Variants in PDSS2 observed in about 807,000 individuals in gnomAD.
PDSS2 encodes all trans-polyprenyl-diphosphate synthase PDSS2.
In PDSS2, 31 loss-of-function variants were observed where a neutral mutation model predicts 44.5. That is an observed-to-expected ratio of 0.70 (90% confidence interval 0.52 to 0.94). The LOEUF (loss-of-function observed/expected upper bound fraction) is 0.94, where lower values mean the gene tolerates loss of function less well. PDSS2 is among the 40% of genes least tolerant of loss of function. The pLI is 0.00. For synonymous variants in PDSS2, 157 were observed against 180.3 expected (o/e 0.87, Z 1.03); for missense variants, 452 against 482.2 (o/e 0.94, Z 0.59).
chr6:107,457,519 G>A (rs1782082978), intron 1 of PDSS2, among the ~76,000 whole-genome samples: 1 of 152,174 alleles, frequency 6.6e-6, no homozygotes, highest in Non-Finnish European at 1.5e-5. Context: ...CCTGGGAATT[G>A]AAGGGTAGCA....
chr6:107,359,178 T>G (rs1778687131), intron 1 of PDSS2, among the ~76,000 whole-genome samples: 1 of 151,356 alleles, frequency 6.6e-6, no homozygotes, highest in Non-Finnish European at 1.5e-5. Flanking sequence ...GCCCAGCTGA[T>G]TTTTTGTATT....
intron 1 of PDSS2, among the ~76,000 whole-genome samples, chr6:107,449,393 C>T (rs1781792687): frequency 6.6e-6 from 1 of 152,154 alleles, no homozygotes; most frequent in Non-Finnish European, 1.5e-5. Flanking sequence ...ATCTCCAGAA[C>T]TTTTTATCTT....
intron 4 of PDSS2, among the ~76,000 whole-genome samples, chr6:107,214,317 T>C (rs1054934264): frequency 1.3e-5 from 2 of 151,972 alleles, no homozygotes; most frequent in African/African-American, 4.8e-5. Context: ...GGTCTCGATC[T>C]CCTGACCTCG....
At chr6:107,227,978 G>C (rs781745639) in intron 4 of PDSS2, among the ~76,000 whole-genome samples, 1 of 152,110 alleles carries the variant, frequency 6.6e-6, no homozygotes, top group African/African-American at 2.4e-5. Flanking sequence ...GTAATTGAAG[G>C]CTTGGGTTTC....
intron 2 of PDSS2, among the ~76,000 whole-genome samples, chr6:107,315,054 T>C (rs1001040735): frequency 2.0e-5 from 3 of 152,238 alleles, no homozygotes; most frequent in African/African-American, 7.2e-5. Context: ...CATTAACTTA[T>C]TTTTAAACAT....
At chr6:107,247,281 T>G (rs1399739541) in intron 3 of PDSS2, among the ~76,000 whole-genome samples, 1 of 152,186 alleles carries the variant, frequency 6.6e-6, no homozygotes, top group Non-Finnish European at 1.5e-5. Context: ...AAAGAGAAAG[T>G]CTGACGCTAA....
intron 1 of PDSS2, among the ~76,000 whole-genome samples, chr6:107,435,379 T>TAC (rs1781320315): frequency 6.6e-6 from 1 of 151,668 alleles, no homozygotes; most frequent in Admixed American, 6.6e-5. Context: ...GTACCATGCA[T>TAC]ACTCCATTGT....
intron 2 of PDSS2, among the ~76,000 whole-genome samples, chr6:107,304,124 C>T (rs771140672): frequency 1.1e-4 from 17 of 152,162 alleles, no homozygotes; most frequent in African/African-American, 1.7e-4. Flanking sequence ...TGAAATGCTT[C>T]CTCTCCCTTC....
At chr6:107,401,005 CCCG>C in intron 1 of PDSS2, among the ~76,000 whole-genome samples, 1 of 152,186 alleles carries the variant, frequency 6.6e-6, no homozygotes, top group Non-Finnish European at 1.5e-5. Context: ...CATAGCCCAG[CCCG>C]TTGCATGGGA....
intron 1 of PDSS2, among the ~76,000 whole-genome samples, chr6:107,452,770 G>A (rs761105024): frequency 1.3e-5 from 2 of 151,698 alleles, no homozygotes; most frequent in Non-Finnish European, 2.9e-5. Flanking sequence ...AAGTTCAAGC[G>A]ATTCTCCTGC....
intron 1 of PDSS2, among the ~76,000 whole-genome samples, chr6:107,452,125 T>A (rs1781886448): frequency 6.6e-6 from 1 of 152,062 alleles, no homozygotes; most frequent in African/African-American, 2.4e-5. Context: ...AACTCTTGGG[T>A]TCAAGGAAGC....
chr6:107,233,547 C>T (rs982286566), intron 4 of PDSS2, among the ~76,000 whole-genome samples: 2 of 152,160 alleles, frequency 1.3e-5, no homozygotes, highest in Non-Finnish European at 2.9e-5. Flanking sequence ...AGTGGTGGCT[C>T]ATACCTGTAA....
At chr6:107,194,220 T>A (rs989248692) in intron 6 of PDSS2, among the ~76,000 whole-genome samples, 3 of 152,224 alleles carry the variant, frequency 2.0e-5, no homozygotes, top group Non-Finnish European at 4.4e-5. Flanking sequence ...AAACCTATAT[T>A]CAAACTTCTT....
chr6:107,402,488 G>A (rs201219814), intron 1 of PDSS2, among the ~76,000 whole-genome samples: 306 of 7,448 alleles, frequency 0.041, no homozygotes, highest in Middle Eastern at 0.2. Flanking sequence ...ACATATATAC[G>A]TATATATGTA....
chr6:107,454,278 G>C (rs1273939421), intron 1 of PDSS2, among the ~76,000 whole-genome samples: 2 of 151,958 alleles, frequency 1.3e-5, no homozygotes, highest in Admixed American at 6.6e-5. Context: ...AAACTCCTGA[G>C]CTCAAGCAAT....
chr6:107,182,997 C>G (rs1031495884), intron 7 of PDSS2, among the ~76,000 whole-genome samples: 1 of 151,910 alleles, frequency 6.6e-6, no homozygotes, highest in East Asian at 1.9e-4. Flanking sequence ...GATCACTTGA[C>G]CCCAGGAGTT....
chr6:107,204,336 C>T (rs1184525005), intron 6 of PDSS2, among the ~76,000 whole-genome samples: 1 of 152,104 alleles, frequency 6.6e-6, no homozygotes, highest in African/African-American at 2.4e-5. Flanking sequence ...TATGGATATA[C>T]CACATTTTGC....
At chr6:107,382,322 AT>A (rs1779479057) in intron 1 of PDSS2, among the ~76,000 whole-genome samples, 1 of 152,226 alleles carries the variant, frequency 6.6e-6, no homozygotes, top group Non-Finnish European at 1.5e-5. Flanking sequence ...GAACCCAAGA[AT>A]TGTTAGTGAG....
chr6:107,357,986 G>A (rs550091254), intron 1 of PDSS2, among the ~76,000 whole-genome samples: 1 of 152,082 alleles, frequency 6.6e-6, no homozygotes, highest in African/African-American at 2.4e-5. Context: ...TATAAAATCA[G>A]TATAATACTG....
Sources: allele counts gnomAD v4.1 joint callset (sites outside exome capture counted in the v4.1 genomes callset), GRCh38; gene constraint gnomAD v4.1.1; transcripts MANE v1.5; gene names NCBI Gene and HGNC (gene_info 2026-07-23, HGNC 2026-07-21).